Variants in IMMP2L observed in about 807,000 individuals in gnomAD.
IMMP2L encodes mitochondrial inner membrane protease subunit 2.
A neutral mutation model predicts 19.3 loss-of-function variants in IMMP2L; 18 were observed. That is an observed-to-expected ratio of 0.93 (90% CI 0.64 to 1.38). The LOEUF is 1.38. IMMP2L is among the 40% of genes most tolerant of loss of function. IMMP2L has a pLI of 0.00. For synonymous variants in IMMP2L, 76 were observed against 73.0 expected, an observed-to-expected ratio of 1.04 and a Z score of -0.21; for missense variants, 233 against 218.2, an observed-to-expected ratio of 1.07 and a Z score of -0.43.
At chr7:110,963,145 A>C in intron 4 of IMMP2L, 2 of 1,419,710 alleles carry the variant, frequency 1.4e-6, no homozygotes, top group Non-Finnish European at 1.9e-6. Flanking sequence ...AAATAGTTAA[A>C]TGTTCTTGAA....
intron 3 of IMMP2L, among the ~76,000 whole-genome samples, chr7:110,987,873 G>T (rs1189215892): frequency 6.6e-6 from 1 of 152,038 alleles, no homozygotes; most frequent in African/African-American, 2.4e-5. Flanking sequence ...TCAGCTTAAG[G>T]TCTTGAATCT....
At chr7:110,966,076 G>A (rs1819515263) in intron 3 of IMMP2L, among the ~76,000 whole-genome samples, 2 of 151,900 alleles carry the variant, frequency 1.3e-5, no homozygotes, top group African/African-American at 4.8e-5. Context: ...CCACTCACAT[G>A]ATAAAATACA....
In IMMP2L at chr7:111,421,678, C is replaced by T. The variant is rs574186519; in HGVS notation, c.239+65560G>A. ...TCTCCCATTCTGTAGATTGCCTGTT[C>T]ACTCTGATGGTAGTTTCTTTTGCCA... On this transcript the variant is annotated intron_variant, in intron 3 of 5. Transcript: ENST00000405709. Among the ~76,000 whole-genome samples, 382 of 151,808 alleles carry T rather than the reference C, an allele frequency of 2.5e-3. 5 individuals are homozygous for T. The highest frequency in any genetic ancestry group is 0.02 in the Middle Eastern group (6 of 294).
At chr7:111,390,525 T>A (rs1832243788) in intron 3 of IMMP2L, 1 of 152,178 alleles carries the variant, frequency 6.6e-6, no homozygotes, top group Non-Finnish European at 1.5e-5. Context: ...AAGACAGGTA[T>A]AAATTTTTTT....
chr7:111,506,974 T>C (rs1458655548), intron 2 of IMMP2L, among the ~76,000 whole-genome samples: 1 of 152,114 alleles, frequency 6.6e-6, no homozygotes, highest in Non-Finnish European at 1.5e-5. Context: ...CCCAAGTAGC[T>C]GGGACTACAG....
chr7:110,896,271 A>T (rs1811313619), intron 4 of IMMP2L, among the ~76,000 whole-genome samples: 1 of 152,062 alleles, frequency 6.6e-6, no homozygotes, highest in South Asian at 2.1e-4. Context: ...TAAAGAAAAT[A>T]TATTTAAATT....
At chr7:111,053,582 G>A (rs1238055626) in intron 3 of IMMP2L, among the ~76,000 whole-genome samples, 1 of 152,154 alleles carries the variant, frequency 6.6e-6, no homozygotes, top group African/African-American at 2.4e-5. Flanking sequence ...AGAGAGACAG[G>A]GTGACAATTG....
At chr7:111,332,737 A>G (rs1826000762) in intron 3 of IMMP2L, among the ~76,000 whole-genome samples, 1 of 152,120 alleles carries the variant, frequency 6.6e-6, no homozygotes, top group South Asian at 2.1e-4. Flanking sequence ...CATGTGGAGC[A>G]TCACAAAAAC....
At chr7:110,848,694 G>A (rs556037661) in intron 5 of IMMP2L, among the ~76,000 whole-genome samples, 53 of 152,040 alleles carry the variant, frequency 3.5e-4, no homozygotes, top group Non-Finnish European at 1.0e-4. Flanking sequence ...GTAAACTGTG[G>A]TATATCCAGA....
intron 5 of IMMP2L, among the ~76,000 whole-genome samples, chr7:110,767,153 T>A (rs1057049714): frequency 3.3e-5 from 5 of 152,148 alleles, no homozygotes; most frequent in African/African-American, 1.2e-4. Flanking sequence ...AATTTATTTA[T>A]CCTATTAAGC....
chr7:110,836,791 A>C (rs748563969), intron 5 of IMMP2L, among the ~76,000 whole-genome samples: 2 of 152,158 alleles, frequency 1.3e-5, no homozygotes, highest in African/African-American at 2.4e-5. Context: ...ATGAAACATA[A>C]AGCATTAATG....
chr7:111,011,663 T>C (rs1824971823), intron 3 of IMMP2L, among the ~76,000 whole-genome samples: 1 of 152,194 alleles, frequency 6.6e-6, no homozygotes, highest in Non-Finnish European at 1.5e-5. Context: ...GAACGAATTC[T>C]GAAACCATGC....
At chr7:111,024,071 A>G (rs1765771131) in intron 3 of IMMP2L, among the ~76,000 whole-genome samples, 1 of 152,220 alleles carries the variant, frequency 6.6e-6, no homozygotes, top group African/African-American at 2.4e-5. Flanking sequence ...GAATTCTACC[A>G]TTCAATTGAG....
At chr7:111,203,096 G>C (rs1452862792) in intron 3 of IMMP2L, among the ~76,000 whole-genome samples, 1 of 152,112 alleles carries the variant, frequency 6.6e-6, no homozygotes, top group Non-Finnish European at 1.5e-5. Context: ...ACAGATGCAA[G>C]TAAAAAGAAG....
chr7:110,816,016 T>A (rs1802475339), intron 5 of IMMP2L, among the ~76,000 whole-genome samples: 1 of 152,170 alleles, frequency 6.6e-6, no homozygotes, highest in Non-Finnish European at 1.5e-5. Flanking sequence ...AGCTTTTGAA[T>A]GTGTTTGCTC....
chr7:110,933,993 C>T (rs1036872798), intron 4 of IMMP2L, among the ~76,000 whole-genome samples: 7 of 152,122 alleles, frequency 4.6e-5, no homozygotes, highest in African/African-American at 7.2e-5. Context: ...ATAAATTTCC[C>T]TCTAAACACC....
At chr7:110,798,302 G>A (rs1345313273) in intron 5 of IMMP2L, among the ~76,000 whole-genome samples, 1 of 151,794 alleles carries the variant, frequency 6.6e-6, no homozygotes, top group Non-Finnish European at 1.5e-5. Flanking sequence ...AAGAGAAGAG[G>A]CAATCATACA....
intron 3 of IMMP2L, among the ~76,000 whole-genome samples, chr7:110,980,116 AC>A (rs1276590773): frequency 7.5e-6 from 1 of 133,708 alleles, no homozygotes; most frequent in African/African-American, 2.6e-5. Context: ...ATGGTTCTAT[AC>A]CTCTAGCACT....
At chr7:110,994,075 T>A (rs1246277618) in intron 3 of IMMP2L, among the ~76,000 whole-genome samples, 1 of 152,136 alleles carries the variant, frequency 6.6e-6, no homozygotes, top group African/African-American at 2.4e-5. Flanking sequence ...ATCAAGTTAA[T>A]GTGTTGGGAA....
Sources: gnomAD v4.1 joint callset for allele counts (sites outside exome capture counted in the v4.1 genomes callset) on GRCh38, gnomAD v4.1.1 for gene constraint, MANE v1.5 for transcripts, NCBI Gene and HGNC (gene_info 2026-07-23, HGNC 2026-07-21) for gene names.